KARS1: variants seen among roughly 807,000 people sequenced by gnomAD.
The protein encoded by KARS1 is lysine--tRNA ligase.
A neutral mutation model predicts 63.9 loss-of-function variants in KARS1; 50 were observed. The observed-to-expected ratio is 0.78, with a 90% CI of 0.62 to 0.99. The LOEUF is 0.99. Ranked by LOEUF, KARS1 falls within the 50% of genes least tolerant of loss-of-function variation. The pLI, the probability that KARS1 is intolerant of heterozygous loss-of-function variation, is 0.00. For synonymous variants in KARS1, 320 were observed against 264.6 expected (o/e 1.21, Z -2.03); for missense variants, 816 against 754.5 (o/e 1.08, Z -0.95).
chr16:75,634,870 C>G (rs58657577), intron 6 of KARS1, among the ~76,000 whole-genome samples: 1 of 151,946 alleles, frequency 6.6e-6, no homozygotes, highest in African/African-American at 2.4e-5. Context: ...CCACTGCGCC[C>G]GGCCCAATTC....
chr16:75,644,947 A>G (rs2082264909), intron 1 of KARS1, among the ~76,000 whole-genome samples: 1 of 152,258 alleles, frequency 6.6e-6, no homozygotes, highest in Non-Finnish European at 1.5e-5. Context: ...TTGGAACTCT[A>G]GGAACAAGGG....
rs765591392 is a variant in KARS1 at position 75,631,257 on chromosome 16, G to C, written c.1253-4C>G. 2 of 1,613,448 alleles carry C rather than the reference G, an allele frequency of 1.2e-6. No homozygotes were observed. Among genetic ancestry groups the C allele is most frequent in the South Asian group, 2.2e-5 (2 of 91,022 alleles). On this transcript the variant is annotated splice_region_variant and splice_polypyrimidine_tract_variant and intron_variant, in intron 9 of 13. Coordinates refer to ENST00000302445, the MANE Select transcript of KARS1 (RefSeq NM_005548.3). ...TCATCAAGAATTTTGCGAGTTTCTG[G>C]GACACAAATGCAAAAGTTAGGGCAG...
intron 3 of KARS1, among the ~76,000 whole-genome samples, chr16:75,637,971 A>C (rs1436929540): frequency 6.6e-6 from 1 of 151,886 alleles, no homozygotes; most frequent in African/African-American, 2.4e-5. Context: ...CTCAAAAAAC[A>C]AGCTGCAGTA....
rs2151799640 is a variant in KARS1, at chr16:75,627,803, T to C, written c.*92A>G. 1 of 810,854 alleles carries C rather than the reference T, an allele frequency of 1.2e-6. No individual in the cohort carries two copies. 50.2% of individuals were successfully genotyped at this position (810,854 alleles called of 1,614,324 possible). ...GGCTGAACAGAACTGCGGTGTCAAA[T>C]GGAAAGCAGCACACAAGAATTCCCT... On this transcript the variant is annotated 3_prime_UTR_variant, in exon 14 of 14. Transcript: ENST00000302445.
At position 75,636,052 on chromosome 16, in the gene KARS1, G is replaced by C; in HGVS notation, c.529C>G (p.Arg177Gly). 6.2e-7 allele frequency: 1 copy of C among 1,605,978 alleles called. No homozygotes were observed. The highest frequency in any genetic ancestry group is 8.5e-7 in the Non-Finnish European group (1 of 1,172,668). Residue 177 changes from arginine to glycine, a missense_variant, in exon 5 of 14, where the codon CGT (arginine) becomes GGT (glycine). Physicochemically the swap from Arg to Gly is moderately radical, Grantham distance 125. Transcript: ENST00000302445. ...TGAACTCCAATTATGTCTCCCCGAC[G>C]CAGTTTGTTATTAATATGAATAAAT... ...EEFIHINNKL[R>G]RGDIIGVQGN...
At chr16:75,628,203 A>G (rs923832151) in intron 13 of KARS1, among the ~76,000 whole-genome samples, 1 of 152,266 alleles carries the variant, frequency 6.6e-6, no homozygotes, top group African/African-American at 2.4e-5. Flanking sequence ...TGCCTAGGGC[A>G]CTATGTCAAA....
Position 75,631,200 on chromosome 16 carries a change from G to T in KARS1, c.1306C>A (p.Pro436Thr). 6.2e-7 allele frequency: 1 copy of T among 1,614,042 alleles called. No individual in the cohort carries two copies. Among genetic ancestry groups the T allele is most frequent in the Non-Finnish European group, 8.5e-7 (1 of 1,179,960 alleles). The change falls in exon 10 of 14, where the codon CCA becomes ACA. Residue 436 changes from proline to threonine, a missense_variant. Coordinates refer to ENST00000302445, the MANE Select transcript of KARS1 (RefSeq NM_005548.3). ...ICVAKAVECP[P>T]PRTTARLLDK... ...AGGAGCCTGGCTGTGGTCCGAGGTG[G>T]AGGGCATTCAACAGCTTTTGCCACA...
In KARS1 at chr16:75,634,233, A is replaced by G. The variant is rs545723783; in HGVS notation, c.855T>C (p.Thr285=). The stretch of plus-strand genomic sequence containing the variant: ...AGTTCATGTCCAGCTCGTTGTGATA[A>G]GTGATGAAAGGCTTGGCCACGGCTC... The part of the protein sequence containing the change: ...PGGAVAKPFI[T]YHNELDMNLY... Residue 285 remains threonine (T), a synonymous_variant, in exon 7 of 14, where the codon ACT becomes ACC. Coordinates refer to ENST00000302445, the MANE Select transcript of KARS1 (RefSeq NM_005548.3). The G allele has an allele frequency of 6.3e-5, 102 of 1,613,936 alleles. No homozygotes were observed. The highest frequency in any genetic ancestry group is 1.2e-4 in the Admixed American group (7 of 59,996).
intron 7 of KARS1, among the ~76,000 whole-genome samples, chr16:75,633,693 T>C (rs1467472813): frequency 1.3e-5 from 2 of 152,104 alleles, no homozygotes; most frequent in African/African-American, 2.4e-5. Context: ...AATTTTTGTA[T>C]TTTTGTAGAC....
intron 1 of KARS1, among the ~76,000 whole-genome samples, chr16:75,645,940 C>G (rs747142507): frequency 1.3e-5 from 2 of 151,714 alleles, no homozygotes; most frequent in African/African-American, 2.4e-5. Context: ...CGTGCTTTCA[C>G]CTGTGATATA....
intron 2 of KARS1, 126 bp downstream of exon 2, chr16:75,641,438 T>G: frequency 2.6e-6 from 2 of 770,920 alleles, no homozygotes; most frequent in Non-Finnish European, 4.3e-6. Context: ...TGGGAGACCC[T>G]CCCTTATCCC....
rs1237442390 is a variant in KARS1, at chr16:75,634,099, ACT to A, written c.915+72_915+73del. The A allele has an allele frequency of 4.7e-6, 7 of 1,500,010 alleles. No individual in the cohort carries two copies. The African/African-American group carries it at 9.7e-5, about 21-fold the overall frequency. 92.9% of individuals were successfully genotyped at this position (1,500,010 alleles called of 1,614,324 possible). ...ACTCTCTCTGTTCCTCTTATTTCTG[ACT>A]ATACCCATCTAGCCAGTGGTATTCC... On this transcript the variant is annotated intron_variant, in intron 7 of 13. Coordinates refer to ENST00000302445, the MANE Select transcript of KARS1 (RefSeq NM_005548.3).
chr16:75,627,766 C>G lies in KARS1; in HGVS notation c.*129G>C. 3 of 731,832 alleles carry G rather than the reference C, an allele frequency of 4.1e-6. No homozygotes were observed. The highest frequency in any genetic ancestry group is 5.1e-6 in the Non-Finnish European group (2 of 394,370). 45.3% of individuals were successfully genotyped at this position (731,832 alleles called of 1,614,324 possible). ...TAAAAAGAAATTTTTAATTCCTTGT[C>G]TCTCTTCTGATGGCTGAACAGAACT... On this transcript the variant is annotated 3_prime_UTR_variant, in exon 14 of 14. Coordinates refer to ENST00000302445, the MANE Select transcript of KARS1 (RefSeq NM_005548.3).
At chr16:75,632,509 C>G (rs535551104) in intron 7 of KARS1, among the ~76,000 whole-genome samples, 1 of 152,342 alleles carries the variant, frequency 6.6e-6, no homozygotes, top group East Asian at 1.9e-4. Context: ...ATGGAAACTA[C>G]TAACAAAAGA....
At position 75,629,669 on chromosome 16, in the gene KARS1, G is replaced by A. The variant is rs1209162091; in HGVS notation, c.1425-128C>T. 9 of 962,366 alleles carry A rather than the reference G, an allele frequency of 9.4e-6. No individual in the cohort carries two copies. In the East Asian group the frequency reaches 1.4e-4, roughly 14 times the overall value. 59.6% of individuals were successfully genotyped at this position (962,366 alleles called of 1,614,324 possible). A position where few individuals can be genotyped will look rare whatever the true frequency, so the allele number is the denominator to read the frequency against. On this transcript the variant is annotated intron_variant, in intron 11 of 13. Coordinates refer to ENST00000302445, the MANE Select transcript of KARS1 (RefSeq NM_005548.3). ...GGCTGGAGTGCAGTGGTGTGATCTC[G>A]GCTCACTGCAACCTCTGTCTCCTGG...
chr16:75,631,033 T>C (rs949355902), intron 10 of KARS1, 135 bp downstream of exon 10: 31 of 718,564 alleles, frequency 4.3e-5, no homozygotes, highest in Non-Finnish European at 7.5e-5. Context: ...GTCTGTTAAT[T>C]CTCTTGTTCT....
At chr16:75,628,120 A>G (rs2082071364) in intron 13 of KARS1, 127 bp from the exon 14 acceptor site, 1 of 726,854 alleles carries the variant, frequency 1.4e-6, no homozygotes, top group Non-Finnish European at 2.5e-6. Context: ...TCCAGCTGAA[A>G]AGGCTCATGT....
At chr16:75,634,316 C>T (rs368734032) in intron 6 of KARS1, 24 bp from the exon 7 acceptor site, 1 of 1,612,940 alleles carries the variant, frequency 6.2e-7, no homozygotes, top group African/African-American at 1.3e-5. Context: ...GGAGAAACAT[C>T]AGTCCTTAGA....
rs776532898 is a variant in KARS1 at position 75,631,505 on chromosome 16, G to A, written c.1163C>T (p.Thr388Ile). 6.2e-7 allele frequency: 1 copy of A among 1,614,168 alleles called. No individual in the cohort carries two copies. The highest frequency in any genetic ancestry group is 8.5e-7 in the Non-Finnish European group (1 of 1,180,006). ...CATGTTGATTCGCCGGAAGGGTGGG[G>A]TGAAGTCAACATCGTAGGCTTGGCC... ...PEGQAYDVDF[T>I]PPFRRINMVE... is the part of the protein sequence containing the mutation. Residue 388 changes from threonine to isoleucine, a missense_variant, in exon 9 of 14, where the codon ACC becomes ATC. Coordinates refer to ENST00000302445, the MANE Select transcript of KARS1 (RefSeq NM_005548.3).
Sources: allele counts gnomAD v4.1 joint callset (sites outside exome capture counted in the v4.1 genomes callset), GRCh38; gene constraint gnomAD v4.1.1; transcripts MANE v1.5; gene names NCBI Gene and HGNC (gene_info 2026-07-23, HGNC 2026-07-21).